Variants in ADAMTSL1 observed in about 807,000 individuals in gnomAD.
ADAMTSL1 encodes the protein ADAMTS-like protein 1.
In ADAMTSL1, 126 loss-of-function variants were observed where a neutral mutation model predicts 201.8. The ratio of observed to expected loss-of-function variants is 0.62; its 90% CI spans 0.54 to 0.72. The LOEUF is 0.72. Ranked by LOEUF, ADAMTSL1 falls within the 30% of genes least tolerant of loss-of-function variation. ADAMTSL1 has a pLI of 0.00. For synonymous variants in ADAMTSL1, 1,121 were observed against 903.4 expected (o/e 1.24, Z -4.32); for missense variants, 2,679 against 2,277.8 (o/e 1.18, Z -3.59).
At chr9:18,643,198 C>T (rs533562133) in intron 7 of ADAMTSL1, among the ~76,000 whole-genome samples, 21 of 152,112 alleles carry the variant, frequency 1.4e-4, no homozygotes, top group Middle Eastern at 6.8e-3. Flanking sequence ...TTTAAATATG[C>T]CTGTTGGCCA....
At chr9:18,520,898 G>C (rs1249238494) in intron 2 of ADAMTSL1, among the ~76,000 whole-genome samples, 1 of 152,168 alleles carries the variant, frequency 6.6e-6, no homozygotes, top group Non-Finnish European at 1.5e-5. Flanking sequence ...GTGGAAAACT[G>C]CTTCTGCGTG....
chr9:18,276,298 C>T (rs1832586144), intron 2 of ADAMTSL1, among the ~76,000 whole-genome samples: 1 of 152,074 alleles, frequency 6.6e-6, no homozygotes, highest in South Asian at 2.1e-4. Context: ...CGTGTTGCTT[C>T]CCATTCCATA....
At position 18,906,795 on chromosome 9, in the gene ADAMTSL1, T is replaced by A; in HGVS notation, c.5065T>A (p.Ser1689Thr). ...TACCTGTGGCAACTACGGCTTCCAG[T>A]CCCGGCGTGTGGAGTGTGTGCATGC... ...TATCGNYGFQ[S>T]RRVECVHART... The change falls in exon 28 of 29, where the codon TCC becomes ACC. Residue 1689 changes from serine to threonine, a missense_variant. Ser to Thr is a moderately conservative substitution (Grantham distance 58). Transcript: ENST00000380548. The A allele has an allele frequency of 6.2e-7, 1 of 1,614,008 alleles. No homozygotes were observed. The highest frequency in any genetic ancestry group is 8.5e-7 in the Non-Finnish European group (1 of 1,179,892).
At position 18,477,502 on chromosome 9, in the gene ADAMTSL1, C is replaced by G. The variant is rs1390177196; in HGVS notation, c.63+3207C>G. Among the ~76,000 whole-genome samples, 5 of 152,252 alleles carry G rather than the reference C, an allele frequency of 3.3e-5. No individual in the cohort carries two copies. In the East Asian group the frequency reaches 7.7e-4, roughly 23 times the overall value. On this transcript the variant is annotated intron_variant, in intron 1 of 28. Coordinates refer to ENST00000380548, the MANE Select transcript of ADAMTSL1 (RefSeq NM_001040272.6). ...ATCTATCTTGGATGGGGAGAAGCAC[C>G]CTTAGCTTGTGGAATGAATGTTAAG...
chr9:18,222,117 G>A (rs1333846880), intron 2 of ADAMTSL1, among the ~76,000 whole-genome samples: 2 of 151,714 alleles, frequency 1.3e-5, no homozygotes, highest in African/African-American at 4.8e-5. Context: ...TGTTTGATTA[G>A]TATTTTCCTG....
chr9:18,809,513 G>A lies in ADAMTSL1; in HGVS notation c.3806-7596G>A, dbSNP rs552381242. ...GGTCATGAAAAGGAGCTTGAGGCCG[G>A]GCATGGTGGCTCACTCCTGTAATCC... On this transcript the variant is annotated intron_variant, in intron 20 of 28. Coordinates refer to ENST00000380548, the MANE Select transcript of ADAMTSL1 (RefSeq NM_001040272.6). Among the ~76,000 whole-genome samples, 4 of 152,304 alleles carry A rather than the reference G, an allele frequency of 2.6e-5. No individual in the cohort carries two copies. In the South Asian group the frequency reaches 6.2e-4, roughly 24 times the overall value.
At chr9:18,144,257 A>T (rs1261125554) in intron 1 of ADAMTSL1, among the ~76,000 whole-genome samples, 1 of 151,612 alleles carries the variant, frequency 6.6e-6, no homozygotes, top group African/African-American at 2.4e-5. Flanking sequence ...CTCAGGCTGG[A>T]GTGCAGTGGC....
intron 23 of ADAMTSL1, among the ~76,000 whole-genome samples, chr9:18,881,799 A>G (rs1182641998): frequency 6.6e-6 from 1 of 152,190 alleles, no homozygotes; most frequent in Non-Finnish European, 1.5e-5. Flanking sequence ...CAGCTTCTCA[A>G]AGGCCTGTTA....
chr9:18,337,613 G>A (rs1026016655), intron 2 of ADAMTSL1, among the ~76,000 whole-genome samples: 7 of 152,070 alleles, frequency 4.6e-5, no homozygotes, highest in African/African-American at 1.2e-4. Flanking sequence ...GGCAAAATCG[G>A]GAGTTAGACC....
intron 12 of ADAMTSL1, among the ~76,000 whole-genome samples, chr9:18,683,247 C>T (rs1193381236): frequency 3.1e-5 from 3 of 96,274 alleles, no homozygotes; most frequent in Admixed American, 1.4e-4. Flanking sequence ...TTTTTTGAGA[C>T]GGAGTCTCAC....
At position 18,133,386 on chromosome 9, in the gene ADAMTSL1, C is replaced by T. The variant is rs71506857; in HGVS notation, c.88-30476C>T. Among the ~76,000 whole-genome samples the T allele has an allele frequency of 6.8e-3, 1,035 of 152,274 alleles. 5 individuals carry two copies. The highest frequency in any genetic ancestry group is 0.011 in the Non-Finnish European group (779 of 68,024). The stretch of plus-strand genomic sequence containing the variant: ...TCTGTATCTCCTGCCTTAACAATAA[C>T]GACCAGCATTATTGAGCTGGGTGGG... On this transcript the variant is annotated intron_variant, in intron 1 of 29. Coordinates refer to the ADAMTSL1 transcript ENST00000680146.
chr9:18,056,128 G>T (rs898697200), intron 1 of ADAMTSL1, among the ~76,000 whole-genome samples: 2 of 150,438 alleles, frequency 1.3e-5, no homozygotes, highest in Admixed American at 6.7e-5. Context: ...TTTTAGAAAG[G>T]GTGATTTTTT....
chr9:18,416,541 A>T (rs1314439380), intron 2 of ADAMTSL1, among the ~76,000 whole-genome samples: 1 of 152,128 alleles, frequency 6.6e-6, no homozygotes, highest in Non-Finnish European at 1.5e-5. Context: ...ATTTTAAATA[A>T]AAAGACACAC....
chr9:18,607,311 C>T (rs1182726702), intron 4 of ADAMTSL1, among the ~76,000 whole-genome samples: 2 of 152,120 alleles, frequency 1.3e-5, no homozygotes, highest in African/African-American at 2.4e-5. Flanking sequence ...CAACACTCTG[C>T]CAAGAATTCA....
chr9:18,282,657 G>A (rs797008096), intron 2 of ADAMTSL1, among the ~76,000 whole-genome samples: 1 of 152,162 alleles, frequency 6.6e-6, no homozygotes, highest in Non-Finnish European at 1.5e-5. Context: ...TAGCACTTTG[G>A]GAGACAGATG....
intron 22 of ADAMTSL1, among the ~76,000 whole-genome samples, chr9:18,829,476 A>G (rs1002656367): frequency 6.6e-6 from 1 of 152,228 alleles, no homozygotes; most frequent in Non-Finnish European, 1.5e-5. Flanking sequence ...TGTATTTAGC[A>G]CAGAACTTGG....
At chr9:18,039,554 A>ACATTTTT (rs1821348145) in intron 1 of ADAMTSL1, among the ~76,000 whole-genome samples, 1 of 152,150 alleles carries the variant, frequency 6.6e-6, no homozygotes, top group Admixed American at 6.6e-5. Flanking sequence ...TACGGAACAA[A>ACATTTTT]CATTTTTCAC....
intron 1 of ADAMTSL1, among the ~76,000 whole-genome samples, chr9:17,951,884 C>T (rs1188564736): frequency 5.3e-5 from 8 of 152,070 alleles, no homozygotes; most frequent in Non-Finnish European, 7.4e-5. Context: ...GTGGCATGAT[C>T]GTAGCTCACT....
intron 2 of ADAMTSL1, among the ~76,000 whole-genome samples, chr9:18,258,531 T>G (rs1449275751): frequency 6.6e-6 from 1 of 152,168 alleles, no homozygotes; most frequent in Non-Finnish European, 1.5e-5. Flanking sequence ...TCCTTGCCTC[T>G]TGCCATTCTG....
Sources: allele counts gnomAD v4.1 joint callset (sites outside exome capture counted in the v4.1 genomes callset), GRCh38; gene constraint gnomAD v4.1.1; transcripts MANE v1.5; gene names NCBI Gene and HGNC (gene_info 2026-07-23, HGNC 2026-07-21).